GPHN: variants seen among roughly 807,000 people sequenced by gnomAD.
The protein encoded by GPHN is gephyrin.
Under a neutral mutation model 95.5 loss-of-function variants are expected in GPHN, and 17 were observed. That is an observed-to-expected ratio of 0.18 (90% CI 0.12 to 0.27). GPHN has a LOEUF of 0.27. Among genes scored for constraint, GPHN ranks in the 10% least tolerant of loss-of-function variants. The pLI is 1.00. For synonymous variants in GPHN, 320 were observed against 322.5 expected, an observed-to-expected ratio of 0.99 and a Z score of 0.08; for missense variants, 660 against 978.1, an observed-to-expected ratio of 0.67 and a Z score of 4.34.
the GPHN span, among the ~76,000 whole-genome samples, chr14:67,443,617 T>G: frequency 6.6e-6 from 1 of 151,456 alleles, no homozygotes; most frequent in Non-Finnish European, 1.5e-5. Context: ...AATAAAAATG[T>G]AGGTACCAGA....
the GPHN span, among the ~76,000 whole-genome samples, chr14:67,516,629 T>TA: frequency 0.42 from 63,469 of 152,072 alleles, 13,828 homozygotes; most frequent in Non-Finnish European, 0.48. Flanking sequence ...TGTCTTCCCC[T>TA]AATTGTCTGA....
intron 4 of GPHN, among the ~76,000 whole-genome samples, chr14:66,825,741 A>G (rs1445532406): frequency 1.3e-5 from 2 of 152,202 alleles, no homozygotes; most frequent in African/African-American, 4.8e-5. Flanking sequence ...TTTAAATAAA[A>G]TAGTTTTGGC....
the GPHN span, among the ~76,000 whole-genome samples, chr14:67,354,271 A>G: frequency 3.9e-5 from 6 of 152,212 alleles, no homozygotes; most frequent in Non-Finnish European, 5.9e-5. Flanking sequence ...AATCATCATA[A>G]ATGTTATCAG....
At chr14:66,720,989 G>C (rs562068671) in intron 2 of GPHN, among the ~76,000 whole-genome samples, 2 of 152,166 alleles carry the variant, frequency 1.3e-5, no homozygotes, top group Non-Finnish European at 2.9e-5. Context: ...TGAAGAAAAG[G>C]TTATTAAATA....
the GPHN span, among the ~76,000 whole-genome samples, chr14:67,354,354 T>C: frequency 6.6e-6 from 1 of 152,258 alleles, no homozygotes; most frequent in Non-Finnish European, 1.5e-5. Context: ...ATCTTTGTTT[T>C]AGTTTCCACT....
chr14:66,933,257 T>C (rs758934842), intron 8 of GPHN, among the ~76,000 whole-genome samples: 3 of 152,328 alleles, frequency 2.0e-5, no homozygotes, highest in Non-Finnish European at 2.9e-5. Context: ...AAGAAGGCCT[T>C]GATGCTTCTG....
the GPHN span, among the ~76,000 whole-genome samples, chr14:67,269,339 G>T: frequency 8.6e-5 from 13 of 151,556 alleles, no homozygotes; most frequent in South Asian, 2.1e-4. Flanking sequence ...ACAAGTTTTT[G>T]TGTGTGTGTG....
chr14:67,216,469 A>G, the GPHN span, among the ~76,000 whole-genome samples: 1 of 151,840 alleles, frequency 6.6e-6, no homozygotes, highest in Non-Finnish European at 1.5e-5. Flanking sequence ...ATGCTTTTCT[A>G]GTTCCTCAAG....
chr14:67,446,231 G>A, the GPHN span, among the ~76,000 whole-genome samples: 1 of 152,190 alleles, frequency 6.6e-6, no homozygotes, highest in African/African-American at 2.4e-5. Flanking sequence ...AAAATAAACA[G>A]TACCAGACTT....
intron 21 of GPHN, among the ~76,000 whole-genome samples, chr14:67,171,859 C>A (rs186342159): frequency 2.0e-5 from 3 of 152,238 alleles, no homozygotes; most frequent in Admixed American, 2.0e-4. Flanking sequence ...CCAGGAAGAA[C>A]TCCCTTGGCA....
chr14:67,382,078 T>A, the GPHN span, among the ~76,000 whole-genome samples: 1 of 152,116 alleles, frequency 6.6e-6, no homozygotes, highest in Non-Finnish European at 1.5e-5. Context: ...ATTAACTGGA[T>A]GGCTGTAACT....
chr14:67,485,279 T>C, the GPHN span, among the ~76,000 whole-genome samples: 1 of 152,122 alleles, frequency 6.6e-6, no homozygotes, highest in African/African-American at 2.4e-5. Flanking sequence ...CCAACTCCCC[T>C]CCTACAGTCT....
At chr14:67,214,324 T>C in the GPHN span, among the ~76,000 whole-genome samples, 2 of 152,196 alleles carry the variant, frequency 1.3e-5, no homozygotes, top group Non-Finnish European at 2.9e-5. Flanking sequence ...CTTTAATCCA[T>C]CTTGAATTAA....
chr14:67,346,430 G>A, the GPHN span, among the ~76,000 whole-genome samples: 1 of 152,230 alleles, frequency 6.6e-6, no homozygotes, highest in South Asian at 2.1e-4. Flanking sequence ...TCCCACCTCG[G>A]CCTCCCGAGT....
At chr14:66,661,369 A>G (rs950653883) in intron 1 of GPHN, among the ~76,000 whole-genome samples, 8 of 151,630 alleles carry the variant, frequency 5.3e-5, no homozygotes, top group Admixed American at 3.9e-4. Context: ...CATGGAAGGG[A>G]TCACCTAGCA....
chr14:66,955,708 T>A (rs1005703831), intron 8 of GPHN, among the ~76,000 whole-genome samples: 9 of 149,604 alleles, frequency 6.0e-5, no homozygotes, highest in Non-Finnish European at 1.0e-4. Flanking sequence ...TCCCCCCTCC[T>A]CCCACCCCAC....
chr14:66,651,899 G>A (rs2065061315), intron 1 of GPHN, among the ~76,000 whole-genome samples: 2 of 151,854 alleles, frequency 1.3e-5, no homozygotes, highest in African/African-American at 2.4e-5. Flanking sequence ...CAACATTATG[G>A]TGAGTTGTAT....
rs2071046452 is a variant in GPHN, at chr14:66,724,469, C to T, written c.143+43284C>T. ...CTTTCTTTTTTATTTTTCAGCAGAC[C>T]CCCTGAAGCCCTTGAGAACTGAGAT... On this transcript the variant is annotated intron_variant, in intron 2 of 22. Coordinates refer to ENST00000478722, the MANE Select transcript of GPHN (RefSeq NM_020806.5). Among the ~76,000 whole-genome samples, 3 of 152,034 alleles carry T rather than the reference C, an allele frequency of 2.0e-5. No homozygotes were observed. In the South Asian group the frequency reaches 6.2e-4, roughly 32 times the overall value.
At chr14:67,135,658 C>G (rs1305026076) in intron 17 of GPHN, among the ~76,000 whole-genome samples, 1 of 151,928 alleles carries the variant, frequency 6.6e-6, no homozygotes, top group African/African-American at 2.4e-5. Context: ...CAAAATTGTA[C>G]CAGGACATAT....
Sources: gnomAD v4.1 joint callset for allele counts (sites outside exome capture counted in the v4.1 genomes callset) on GRCh38, gnomAD v4.1.1 for gene constraint, MANE v1.5 for transcripts, NCBI Gene and HGNC (gene_info 2026-07-23, HGNC 2026-07-21) for gene names.